The following ANKRD55 variants were observed in gnomAD, a reference collection of about 807,000 sequenced individuals.
The protein encoded by ANKRD55 is ankyrin repeat domain-containing protein 55.
A neutral mutation model predicts 60.6 loss-of-function variants in ANKRD55; 41 were observed. That is an observed-to-expected ratio of 0.68 (90% confidence interval 0.53 to 0.88). The LOEUF (loss-of-function observed/expected upper bound fraction) is 0.88, where lower values mean the gene tolerates loss of function less well. Among genes scored for constraint, ANKRD55 ranks in the 40% least tolerant of loss-of-function variants. The probability of loss-of-function intolerance (pLI) is 0.00; values close to 1 mark genes in which losing one functional copy is unlikely to be tolerated. For missense variants in ANKRD55, 732 were observed against 767.6 expected, an observed-to-expected ratio of 0.95 and a Z score of 0.55; for synonymous variants, 264 against 290.3, an observed-to-expected ratio of 0.91 and a Z score of 0.92.
At chr5:56,163,002 C>T (rs1016882113) in intron 5 of ANKRD55, among the ~76,000 whole-genome samples, 3 of 152,184 alleles carry the variant, frequency 2.0e-5, no homozygotes, top group South Asian at 4.2e-4. Context: ...TTTCCCTAGA[C>T]TTTCTCCAGT....
intron 6 of ANKRD55, among the ~76,000 whole-genome samples, chr5:56,150,319 T>C (rs997254334): frequency 6.6e-5 from 10 of 152,164 alleles, no homozygotes; most frequent in African/African-American, 2.2e-4. Flanking sequence ...ATTGTAGCAG[T>C]TTGTGCTCCT....
intron 5 of ANKRD55, among the ~76,000 whole-genome samples, chr5:56,167,474 G>C (rs1286043808): frequency 1.3e-5 from 2 of 152,182 alleles, no homozygotes; most frequent in African/African-American, 2.4e-5. Context: ...TATTTGATTT[G>C]CTGTATGGTT....
At chr5:56,172,310 A>T (rs1758627517) in intron 4 of ANKRD55, among the ~76,000 whole-genome samples, 1 of 152,178 alleles carries the variant, frequency 6.6e-6, no homozygotes, top group Non-Finnish European at 1.5e-5. Context: ...AGTAGAAGCA[A>T]GTATTTTTCT....
At chr5:56,126,143 G>GATAAA (rs200972488) in intron 8 of ANKRD55, among the ~76,000 whole-genome samples, 3,872 of 151,630 alleles carry the variant, frequency 0.026, 160 homozygotes, top group African/African-American at 0.088. Context: ...CAAAAAAATA[G>GATAAA]ATAAAATAAA....
chr5:56,105,234 G>C (rs1364259724), intron 10 of ANKRD55, among the ~76,000 whole-genome samples: 1 of 152,050 alleles, frequency 6.6e-6, no homozygotes, highest in African/African-American at 2.4e-5. Flanking sequence ...CTACAGGCGT[G>C]CGCCACCACA....
intron 5 of ANKRD55, 110 bp downstream of exon 5, chr5:56,170,584 G>T: frequency 2.6e-6 from 2 of 763,036 alleles, no homozygotes; most frequent in East Asian, 2.9e-5. Context: ...AAAAAAAAAA[G>T]ATGGTTTTCT....
In ANKRD55 at chr5:56,144,020, A is replaced by G. The variant is rs1016393050; in HGVS notation, c.484-91T>C. 5 of 1,543,096 alleles carry G rather than the reference A, an allele frequency of 3.2e-6. No homozygotes were observed. The African/African-American group carries it at 6.8e-5, about 21-fold the overall frequency. On this transcript the variant is annotated intron_variant, in intron 6 of 11. Transcript: ENST00000341048. Reference sequence around the variant, plus strand: ...CACTTTCTCCTCAGGCCTGGGGGCCATCACCAGATGCGTTGGTTGTTTCCT... The same window carrying G: ...CACTTTCTCCTCAGGCCTGGGGGCCGTCACCAGATGCGTTGGTTGTTTCCT...
In ANKRD55 at chr5:56,135,351, C is replaced by CTT. The variant is rs757577502; in HGVS notation, c.613-8247_613-8246dup. Reference sequence around the variant, plus strand: ...TCTTTCTTTCTTTCTTTCTTTCTTTCTTTCTTTCTTTCTTTCCTTCTTTCT... The same window carrying CTT: ...TCTTTCTTTCTTTCTTTCTTTCTTTCTTTTTCTTTCTTTCTTTCCTTCTTTCT... On this transcript the variant is annotated intron_variant, in intron 7 of 11. Coordinates refer to ENST00000341048, the MANE Select transcript of ANKRD55 (RefSeq NM_024669.3). 2.2e-3 allele frequency among the ~76,000 whole-genome samples: 71 copies of CTT among 32,200 alleles called. 6 individuals carry two copies. The highest frequency in any genetic ancestry group is 9.5e-3 in the African/African-American group (67 of 7,084). The allele number at this position is 32,200 out of a possible 152,430, so 21.1% of individuals were successfully genotyped here. A position where few individuals can be genotyped will look rare whatever the true frequency, so the allele number is the denominator to read the frequency against.
intron 9 of ANKRD55, among the ~76,000 whole-genome samples, chr5:56,113,552 C>G (rs1056955138): frequency 2.6e-5 from 4 of 152,082 alleles, no homozygotes; most frequent in Non-Finnish European, 5.9e-5. Flanking sequence ...GAACCGGACA[C>G]TTTTTTCACG....
At chr5:56,132,741 A>G (rs1358769013) in intron 7 of ANKRD55, among the ~76,000 whole-genome samples, 3 of 152,332 alleles carry the variant, frequency 2.0e-5, no homozygotes, top group South Asian at 2.1e-4. Flanking sequence ...GGATAGAAAA[A>G]TAAGACCCAA....
chr5:56,119,647 G>T (rs531644877), intron 8 of ANKRD55, among the ~76,000 whole-genome samples: 1 of 152,320 alleles, frequency 6.6e-6, no homozygotes, highest in South Asian at 2.1e-4. Flanking sequence ...GAGCACTGTG[G>T]CTCATGCCTG....
intron 6 of ANKRD55, among the ~76,000 whole-genome samples, chr5:56,156,537 T>A (rs1243480752): frequency 5.3e-5 from 8 of 152,220 alleles, no homozygotes; most frequent in African/African-American, 1.9e-4. Flanking sequence ...TGTAGGTCTA[T>A]AAGTGGAATT....
chr5:56,108,776 C>A (rs866394243), intron 10 of ANKRD55, among the ~76,000 whole-genome samples: 1 of 152,176 alleles, frequency 6.6e-6, no homozygotes, highest in African/African-American at 2.4e-5. Flanking sequence ...CAGTGGCTCA[C>A]GCCTGTAATC....
intron 7 of ANKRD55, among the ~76,000 whole-genome samples, chr5:56,131,272 C>T (rs2163516): frequency 0.18 from 26,669 of 152,034 alleles, 2,713 homozygotes; most frequent in African/African-American, 0.28. Context: ...AAAAGAACAC[C>T]TTACCTATAG....
chr5:56,144,026 A>C, intron 6 of ANKRD55, 97 bp from the exon 7 acceptor site: 1 of 1,514,124 alleles, frequency 6.6e-7, no homozygotes, highest in East Asian at 2.3e-5. Context: ...GGCCATCACC[A>C]GATGCGTTGG....
rs768183457 is a variant in ANKRD55, at chr5:56,100,237, G to A, written c.1791C>T (p.Ser597=). 3 of 1,614,148 alleles carry A rather than the reference G, an allele frequency of 1.9e-6. No homozygotes were observed. The highest frequency in any genetic ancestry group is 2.5e-6 in the Non-Finnish European group (3 of 1,180,016). ...LPAIPSQRRH[S]TAAEESEHSA... is the part of the protein sequence containing the mutation. ...AATGTTCACTCTCTTCTGCTGCTGT[G>A]CTGTGTCTTCGTTGACTTGGAATTG... The change falls in exon 12 of 12, where the codon AGC becomes AGT. Residue 597 remains serine, a synonymous_variant. Transcript: ENST00000341048.
At chr5:56,226,063 G>A (rs572420884) in intron 2 of ANKRD55, among the ~76,000 whole-genome samples, 50 of 152,236 alleles carry the variant, frequency 3.3e-4, no homozygotes, top group African/African-American at 8.9e-4. Flanking sequence ...GAGGCATCAC[G>A]CTACCTGACT....
intron 2 of ANKRD55, among the ~76,000 whole-genome samples, chr5:56,205,651 G>A (rs534873378): frequency 5.1e-4 from 78 of 152,244 alleles, no homozygotes; most frequent in African/African-American, 1.6e-3. Context: ...AGTGAATCTT[G>A]GGCTGGGGGA....
intron 10 of ANKRD55, among the ~76,000 whole-genome samples, chr5:56,106,083 C>T (rs1163501976): frequency 6.6e-6 from 1 of 152,136 alleles, no homozygotes; most frequent in Non-Finnish European, 1.5e-5. Context: ...AAGCAATAAT[C>T]ATTACAGCTA....
Sources: gnomAD v4.1 joint callset for allele counts (sites outside exome capture counted in the v4.1 genomes callset) on GRCh38, gnomAD v4.1.1 for gene constraint, MANE v1.5 for transcripts, NCBI Gene and HGNC (gene_info 2026-07-23, HGNC 2026-07-21) for gene names.